ESR1: variants seen among roughly 807,000 people sequenced by gnomAD.
The protein encoded by ESR1 is estrogen receptor 1.
In ESR1, 12 loss-of-function variants were observed where a neutral mutation model predicts 52.7. The observed-to-expected ratio is 0.23, with a 90% CI of 0.15 to 0.37. The LOEUF (loss-of-function observed/expected upper bound fraction) is 0.37. Among genes scored for constraint, ESR1 ranks in the 10% least tolerant of loss-of-function variants. The pLI, the probability that ESR1 is intolerant of heterozygous loss-of-function variation, is 1.00. For missense variants in ESR1, 584 were observed against 779.7 expected, an observed-to-expected ratio of 0.75 and a Z score of 2.99; for synonymous variants, 305 against 316.8, an observed-to-expected ratio of 0.96 and a Z score of 0.39.
At chr6:151,812,722 T>C (rs1779007288) in intron 1 of ESR1, among the ~76,000 whole-genome samples, 1 of 152,130 alleles carries the variant, frequency 6.6e-6, no homozygotes, top group Admixed American at 6.5e-5. Flanking sequence ...AGGAGCAAAT[T>C]AGTCTTTTGG....
intron 2 of ESR1, among the ~76,000 whole-genome samples, chr6:151,848,357 T>G: frequency 8.7e-6 from 1 of 115,104 alleles, no homozygotes. Context: ...AGGGATAGCA[T>G]TGGGAGATAT....
intron 3 of ESR1, among the ~76,000 whole-genome samples, chr6:151,913,787 T>G (rs181008734): frequency 2.0e-5 from 3 of 152,204 alleles, no homozygotes; most frequent in Non-Finnish European, 4.4e-5. Flanking sequence ...TTTTTTTTAA[T>G]GTACTGGGCT....
intron 5 of ESR1, among the ~76,000 whole-genome samples, chr6:152,058,721 C>T (rs2128950134): frequency 6.6e-6 from 1 of 152,172 alleles, no homozygotes; most frequent in South Asian, 2.1e-4. Flanking sequence ...CTGACAGTGC[C>T]CATGGCTTTC....
chr6:152,030,531 G>A (rs1012081314), intron 5 of ESR1, among the ~76,000 whole-genome samples: 5 of 152,104 alleles, frequency 3.3e-5, no homozygotes, highest in African/African-American at 1.2e-4. Context: ...AAGATCAAAA[G>A]AGACAAAGAA....
chr6:152,066,114 C>T lies in ESR1; in HGVS notation c.1369+4990C>T, dbSNP rs572352604. Among the ~76,000 whole-genome samples, 9 of 152,342 alleles carry T rather than the reference C, an allele frequency of 5.9e-5. No homozygotes were observed. In the South Asian group the frequency reaches 8.3e-4, roughly 14 times the overall value. On this transcript the variant is annotated intron_variant, in intron 6 of 7. Transcript: ENST00000206249. The stretch of plus-strand genomic sequence containing the variant: ...ATAGTCATGCTTTGTTAATGTGGCA[C>T]ATCTTGCCATGATGGTGCCCTCATG...
At chr6:151,761,665 T>A (rs572240673) in intron 2 of ESR1, among the ~76,000 whole-genome samples, 1 of 152,318 alleles carries the variant, frequency 6.6e-6, no homozygotes, top group Admixed American at 6.5e-5. Flanking sequence ...CAGTAAGCCC[T>A]CAATAAATGC....
At chr6:151,699,737 G>A (rs937206742) in intron 1 of ESR1, among the ~76,000 whole-genome samples, 1 of 152,104 alleles carries the variant, frequency 6.6e-6, no homozygotes, top group African/African-American at 2.4e-5. Flanking sequence ...TGTCAATCTC[G>A]ACTGCCAGGA....
At chr6:151,850,813 A>G (rs891913383) in intron 2 of ESR1, among the ~76,000 whole-genome samples, 1 of 152,136 alleles carries the variant, frequency 6.6e-6, no homozygotes, top group African/African-American at 2.4e-5. Flanking sequence ...TATTGAGTCT[A>G]TCTCCTTAAA....
intron 3 of ESR1, among the ~76,000 whole-genome samples, chr6:151,892,597 T>G (rs1794850533): frequency 6.6e-6 from 1 of 151,716 alleles, no homozygotes; most frequent in African/African-American, 2.4e-5. Flanking sequence ...AGCTTTTTTT[T>G]TTTTTTTTTT....
intron 2 of ESR1, among the ~76,000 whole-genome samples, chr6:151,715,060 T>A (rs1296259286): frequency 6.6e-6 from 1 of 152,194 alleles, no homozygotes; most frequent in East Asian, 1.9e-4. Flanking sequence ...AGCATTTGCT[T>A]GTCTGTAAAG....
intron 4 of ESR1, among the ~76,000 whole-genome samples, chr6:152,010,884 CCTTCTT>C (rs1309585910): frequency 6.7e-6 from 1 of 149,438 alleles, no homozygotes; most frequent in Non-Finnish European, 1.5e-5. Context: ...TCCTCCTTCT[CCTTCTT>C]CTTCTTCCTC....
intron 2 of ESR1, among the ~76,000 whole-genome samples, chr6:151,724,392 G>T (rs1345997287): frequency 2.6e-5 from 4 of 152,026 alleles, no homozygotes. Flanking sequence ...AGTTTGGAGG[G>T]GTGTTGTCTG....
intron 5 of ESR1, among the ~76,000 whole-genome samples, chr6:152,021,395 A>G (rs1005147277): frequency 1.3e-5 from 2 of 152,186 alleles, no homozygotes; most frequent in Non-Finnish European, 2.9e-5. Flanking sequence ...TTAATGCTTA[A>G]TAAACTCCCC....
intron 2 of ESR1, among the ~76,000 whole-genome samples, chr6:151,711,103 C>A (rs986123522): frequency 6.6e-6 from 1 of 152,166 alleles, no homozygotes; most frequent in Non-Finnish European, 1.5e-5. Context: ...ATTTCTAGTT[C>A]TAGATCCTTG....
In ESR1 at chr6:151,995,723, A is replaced by G. The variant is rs76258221; in HGVS notation, c.1097-15933A>G. ...ATTTTAAAGGAAGGTGGGTGCCCTA[A>G]AAATACATTTATGCCAACTGGATTG... On this transcript the variant is annotated intron_variant, in intron 4 of 7. Coordinates refer to ENST00000206249, the MANE Select transcript of ESR1 (RefSeq NM_000125.4). Among the ~76,000 whole-genome samples, 35 of 152,260 alleles carry G rather than the reference A, an allele frequency of 2.3e-4. No individual in the cohort carries two copies. The East Asian group carries it at 5.0e-3, about 22-fold the overall frequency.
chr6:151,909,438 T>G (rs1584148103), intron 3 of ESR1, among the ~76,000 whole-genome samples: 4 of 152,274 alleles, frequency 2.6e-5, no homozygotes, highest in African/African-American at 9.6e-5. Context: ...ATAACAGAAC[T>G]GGCTTCAGAA....
At chr6:151,747,453 T>C (rs1783566916) in intron 2 of ESR1, among the ~76,000 whole-genome samples, 1 of 152,212 alleles carries the variant, frequency 6.6e-6, no homozygotes, top group African/African-American at 2.4e-5. Flanking sequence ...TTCTGGGTTT[T>C]GTTGTCAACA....
At chr6:151,871,053 G>A (rs966708306) in intron 2 of ESR1, among the ~76,000 whole-genome samples, 6 of 151,830 alleles carry the variant, frequency 4.0e-5, no homozygotes, top group Admixed American at 3.3e-4. Context: ...GTCTTGCTAT[G>A]TTGCCCAGGC....
At chr6:151,749,287 C>T (rs1309877147) in intron 2 of ESR1, among the ~76,000 whole-genome samples, 2 of 151,330 alleles carry the variant, frequency 1.3e-5, no homozygotes, top group East Asian at 1.9e-4. Context: ...ATTTTAACTT[C>T]GATTGTCATA....
Sources: allele counts gnomAD v4.1 joint callset (sites outside exome capture counted in the v4.1 genomes callset), GRCh38; gene constraint gnomAD v4.1.1; transcripts MANE v1.5; gene names NCBI Gene and HGNC (gene_info 2026-07-23, HGNC 2026-07-21).